The following CACNA1E variants were observed in gnomAD, a reference collection of about 807,000 sequenced individuals.
The protein encoded by CACNA1E is voltage-dependent R-type calcium channel subunit alpha-1E.
CACNA1E carries 40 observed loss-of-function variants against 259.2 expected under a neutral mutation model. That is an observed-to-expected ratio of 0.15 (90% CI 0.12 to 0.20). The LOEUF is 0.20. Among genes scored for constraint, CACNA1E ranks in the 10% least tolerant of loss-of-function variants. The pLI is 1.00. For missense variants in CACNA1E, 1,874 were observed against 3,040.1 expected, an observed-to-expected ratio of 0.62 and a Z score of 9.02; for synonymous variants, 1,104 against 1,138.5, an observed-to-expected ratio of 0.97 and a Z score of 0.61.
chr1:181,400,526 C>T (rs1657022631), intron 1 of CACNA1E, among the ~76,000 whole-genome samples: 3 of 152,090 alleles, frequency 2.0e-5, no homozygotes, highest in Admixed American at 2.0e-4. Context: ...ATCCCCATGC[C>T]CTACCAAGCC....
chr1:181,805,003 T>C lies in CACNA1E; in HGVS notation c.*6169T>C, dbSNP rs1662534338. 1 of 151,642 alleles carries C rather than the reference T, an allele frequency of 6.6e-6. No homozygotes were observed. The highest frequency in any genetic ancestry group is 2.1e-4 in the South Asian group (1 of 4,816). The allele number at this position is 151,642 out of a possible 1,614,324, so 9.4% of individuals were successfully genotyped here. The stretch of plus-strand genomic sequence containing the variant: ...ATGATCTGAGCTTCCTTATGTCTCC[T>C]TCTCTTTGTGCAAACTTAAACCAGT... On this transcript the variant is annotated 3_prime_UTR_variant, in exon 48 of 48. Transcript: ENST00000367573.
chr1:181,387,140 T>C (rs1332916187), intron 1 of CACNA1E, among the ~76,000 whole-genome samples: 1 of 152,056 alleles, frequency 6.6e-6, no homozygotes, highest in Non-Finnish European at 1.5e-5. Context: ...GTGTGACCTC[T>C]GGGAGCCCTT....
In CACNA1E at chr1:181,733,631, A is replaced by G. The variant is rs370791292; in HGVS notation, c.3143A>G (p.Gln1048Arg). The change falls in exon 21 of 48, where the codon CAG becomes CGG. Residue 1048 changes from glutamine (Q) to arginine (R), a missense_variant. Coordinates refer to ENST00000367573, the MANE Select transcript of CACNA1E (RefSeq NM_001205293.3). ...CTAGACATGGGCCGGGTCATCAGCC[A>G]GAGCGAGCCTGACCTCTCCTGCATC... ...VQLDMGRVIS[Q>R]SEPDLSCITA... The G allele has an allele frequency of 7.7e-5, 124 of 1,613,112 alleles. No individual in the cohort carries two copies. Among genetic ancestry groups the G allele is most frequent in the Non-Finnish European group, 1.0e-4 (122 of 1,179,630 alleles).
At chr1:181,488,297 G>A (rs1664025480) in intron 1 of CACNA1E, among the ~76,000 whole-genome samples, 1 of 152,218 alleles carries the variant, frequency 6.6e-6, no homozygotes, top group African/African-American at 2.4e-5. Context: ...CATGAGTCAA[G>A]ATGCCTTGAT....
intron 2 of CACNA1E, among the ~76,000 whole-genome samples, chr1:181,450,422 TTG>T (rs58472519): frequency 0.56 from 83,738 of 150,386 alleles, 24,505 homozygotes; most frequent in East Asian, 0.83. Flanking sequence ...TGAAGGGGGA[TTG>T]TGTGTGTGTG....
intron 3 of CACNA1E, among the ~76,000 whole-genome samples, chr1:181,543,152 C>G (rs879542647): frequency 6.6e-6 from 1 of 151,932 alleles, no homozygotes; most frequent in Admixed American, 6.6e-5. Flanking sequence ...AAGCTTAAAA[C>G]GAGATTGTTG....
intron 2 of CACNA1E, among the ~76,000 whole-genome samples, chr1:181,442,255 GCACAGGTATGAGGGA>G (rs772883261): frequency 2.2e-4 from 33 of 151,338 alleles, no homozygotes; most frequent in Non-Finnish European, 3.8e-4. Flanking sequence ...GGTGTGAAGG[GCACAGGTATGAGGGA>G]CACAGGTATG....
At chr1:181,493,689 G>A (rs1664504496) in intron 1 of CACNA1E, among the ~76,000 whole-genome samples, 1 of 152,084 alleles carries the variant, frequency 6.6e-6, no homozygotes, top group Non-Finnish European at 1.5e-5. Context: ...CTTGATATGT[G>A]GCTAATGCGA....
chr1:181,720,910 A>T, intron 15 of CACNA1E, 55 bp downstream of exon 15: 1 of 1,076,044 alleles, frequency 9.3e-7, no homozygotes, highest in Non-Finnish European at 1.4e-6. Flanking sequence ...TGGACTGCAC[A>T]CTGCAAGACA....
At chr1:181,338,806 G>T (rs960444249) in intron 1 of CACNA1E, among the ~76,000 whole-genome samples, 1 of 151,822 alleles carries the variant, frequency 6.6e-6, no homozygotes, top group Non-Finnish European at 1.5e-5. Flanking sequence ...CTTATGTTTT[G>T]GTCTTTAATC....
At chr1:181,356,002 G>C (rs1165221870) in intron 1 of CACNA1E, among the ~76,000 whole-genome samples, 7 of 151,894 alleles carry the variant, frequency 4.6e-5, no homozygotes, top group African/African-American at 1.7e-4. Context: ...TTCCTTTTTT[G>C]CTCATTTTTT....
At chr1:181,657,889 C>T (rs1055395982) in intron 7 of CACNA1E, among the ~76,000 whole-genome samples, 1 of 152,192 alleles carries the variant, frequency 6.6e-6, no homozygotes, top group African/African-American at 2.4e-5. Context: ...ATTCTTTGTT[C>T]GTGCCCAAGC....
At chr1:181,782,227 T>C (rs771732753) in intron 39 of CACNA1E, among the ~76,000 whole-genome samples, 2 of 152,276 alleles carry the variant, frequency 1.3e-5, no homozygotes, top group Non-Finnish European at 2.9e-5. Context: ...AGCATTAAAT[T>C]TGACTTACTG....
chr1:181,646,981 G>A (rs752002629), intron 6 of CACNA1E, among the ~76,000 whole-genome samples: 9 of 152,158 alleles, frequency 5.9e-5, no homozygotes, highest in Non-Finnish European at 1.2e-4. Flanking sequence ...TCGTGCACAC[G>A]TGTGCATGTG....
At position 181,798,677 on chromosome 1, in the gene CACNA1E, G is replaced by T. The variant is rs370396474; in HGVS notation, c.6785G>T (p.Arg2262Leu). ...GCAGCCGTGGCTACTAGCCTGGGCC[G>T]TTCCAACACCATCGGCTCAGCCCCA... ...FEAAVATSLG[R>L]SNTIGSAPPL... Residue 2262 changes from arginine to leucine, a missense_variant, in exon 48 of 48, where the codon CGT becomes CTT. Around this residue, in one of 14 missense-constraint regions of CACNA1E, gnomAD observed 542 missense variants for 587.2 expected, o/e 0.92. Transcript: ENST00000367573. This position sits in a 1 kb window ranked among gnomAD's most constrained non-coding sequence, Gnocchi z 4.2. The T allele has an allele frequency of 1.2e-6, 2 of 1,609,088 alleles. No individual in the cohort carries two copies. The highest frequency in any genetic ancestry group is 1.7e-6 in the Non-Finnish European group (2 of 1,176,836).
At chr1:181,500,146 C>T (rs1665118673) in intron 1 of CACNA1E, among the ~76,000 whole-genome samples, 1 of 152,240 alleles carries the variant, frequency 6.6e-6, no homozygotes, top group African/African-American at 2.4e-5. Context: ...GAGTAAGGCT[C>T]ACCCAGGAGG....
Position 181,597,464 on chromosome 1 carries a change from T to G in CACNA1E, c.951+16688T>G, listed in dbSNP as rs545020145. Reference sequence around the variant, plus strand: ...ACAAAACACACTTCGTTGGGATCTCTTTGAATGTTAAATAATACCGAAAAT... The same window carrying G: ...ACAAAACACACTTCGTTGGGATCTCGTTGAATGTTAAATAATACCGAAAAT... On this transcript the variant is annotated intron_variant, in intron 6 of 47. Transcript: ENST00000367573. 1.4e-4 allele frequency among the ~76,000 whole-genome samples: 22 copies of G among 152,308 alleles called. No individual in the cohort carries two copies. The South Asian group carries it at 4.6e-3, about 32-fold the overall frequency.
At chr1:181,631,810 G>A (rs763709731) in intron 6 of CACNA1E, among the ~76,000 whole-genome samples, 1 of 152,152 alleles carries the variant, frequency 6.6e-6, no homozygotes, top group Admixed American at 6.5e-5. Flanking sequence ...GGAACCCCGG[G>A]CTTGACCACT....
intron 1 of CACNA1E, among the ~76,000 whole-genome samples, chr1:181,362,376 G>C (rs1166398396): frequency 6.6e-6 from 1 of 152,214 alleles, no homozygotes; most frequent in Admixed American, 6.5e-5. Flanking sequence ...TCCTCATTAC[G>C]GGAATGAGTT....
Sources: allele counts gnomAD v4.1 joint callset (sites outside exome capture counted in the v4.1 genomes callset), GRCh38; gene constraint gnomAD v4.1.1; regional missense constraint gnomAD v4.1.1; non-coding constraint Gnocchi (gnomAD v3.1); transcripts MANE v1.5; gene names NCBI Gene and HGNC (gene_info 2026-07-23, HGNC 2026-07-21).